Variants in ENTREP2 observed in about 807,000 individuals in gnomAD.
ENTREP2 encodes endosomal transmembrane epsin interactor 2.
the ENTREP2 span, among the ~76,000 whole-genome samples, chr15:29,605,713 T>TA: frequency 6.6e-6 from 1 of 151,832 alleles, no homozygotes; most frequent in Non-Finnish European, 1.5e-5. Flanking sequence ...GGGGGGTGCC[T>TA]ATAATCCCAG....
chr15:29,633,128 G>GT, the ENTREP2 span, among the ~76,000 whole-genome samples: 7 of 152,240 alleles, frequency 4.6e-5, no homozygotes, highest in Non-Finnish European at 1.0e-4. Context: ...TCCCGTGGGA[G>GT]TAAGTTCTTC....
At chr15:29,419,953 G>A in the ENTREP2 span, among the ~76,000 whole-genome samples, 10 of 152,162 alleles carry the variant, frequency 6.6e-5, no homozygotes, top group African/African-American at 2.2e-4. Context: ...AAATAAGGAC[G>A]AAGAAATGAA....
chr15:29,402,318 G>GTGTA, the ENTREP2 span, among the ~76,000 whole-genome samples: 4 of 118,798 alleles, frequency 3.4e-5, no homozygotes, highest in African/African-American at 1.3e-4. Context: ...GTGTGTGTGT[G>GTGTA]TATATATGTA....
At chr15:29,245,557 T>A in the ENTREP2 span, among the ~76,000 whole-genome samples, 2 of 151,572 alleles carry the variant, frequency 1.3e-5, no homozygotes, top group African/African-American at 4.8e-5. Flanking sequence ...TAAAAATATA[T>A]GTTTGCAACC....
At chr15:29,271,315 T>C in the ENTREP2 span, among the ~76,000 whole-genome samples, 1 of 152,244 alleles carries the variant, frequency 6.6e-6, no homozygotes, top group Non-Finnish European at 1.5e-5. Context: ...CTTAGGTTCA[T>C]AGAAGCTTCC....
the ENTREP2 span, among the ~76,000 whole-genome samples, chr15:29,232,087 C>T: frequency 2.0e-5 from 3 of 151,768 alleles, no homozygotes; most frequent in Admixed American, 1.3e-4. Flanking sequence ...GATGGGGTTT[C>T]GCCATGTTGT....
At chr15:29,614,726 T>C in the ENTREP2 span, among the ~76,000 whole-genome samples, 1 of 152,138 alleles carries the variant, frequency 6.6e-6, no homozygotes, top group Non-Finnish European at 1.5e-5. Flanking sequence ...GTCCACGTAG[T>C]AGCCAGCACT....
chr15:29,500,412 A>G, the ENTREP2 span, among the ~76,000 whole-genome samples: 1 of 152,188 alleles, frequency 6.6e-6, no homozygotes, highest in Non-Finnish European at 1.5e-5. Flanking sequence ...TCACAAAAGA[A>G]TAAATTAAGA....
At chr15:29,181,793 C>T in the ENTREP2 span, among the ~76,000 whole-genome samples, 1 of 152,154 alleles carries the variant, frequency 6.6e-6, no homozygotes, top group East Asian at 1.9e-4. Flanking sequence ...TCATGGCAAA[C>T]TCTTAGCAGA....
At chr15:29,380,729 A>G in the ENTREP2 span, among the ~76,000 whole-genome samples, 1 of 152,194 alleles carries the variant, frequency 6.6e-6, no homozygotes, top group Non-Finnish European at 1.5e-5. Context: ...TCCCCCAAAA[A>G]CACAAAAATC....
chr15:29,470,581 C>T, the ENTREP2 span, among the ~76,000 whole-genome samples: 1,180 of 152,310 alleles, frequency 7.7e-3, 16 homozygotes, highest in African/African-American at 0.025. Flanking sequence ...GAAGCCCAGA[C>T]GCACTTCGAA....
At chr15:29,547,879 A>G in the ENTREP2 span, among the ~76,000 whole-genome samples, 1 of 152,218 alleles carries the variant, frequency 6.6e-6, no homozygotes, top group Non-Finnish European at 1.5e-5. Flanking sequence ...TGTGGTATAG[A>G]CATACAATGG....
chr15:29,443,104 G>A, the ENTREP2 span, among the ~76,000 whole-genome samples: 1 of 152,248 alleles, frequency 6.6e-6, no homozygotes, highest in African/African-American at 2.4e-5. Flanking sequence ...GAGGTCCTCA[G>A]GTACCTCTTG....
the ENTREP2 span, among the ~76,000 whole-genome samples, chr15:29,509,684 G>A: frequency 2.0e-5 from 3 of 152,142 alleles, no homozygotes; most frequent in Admixed American, 2.0e-4. Flanking sequence ...ATGGTGTTGG[G>A]AAAACTGGCT....
chr15:29,525,599 T>A, the ENTREP2 span, among the ~76,000 whole-genome samples: 3 of 152,162 alleles, frequency 2.0e-5, no homozygotes, highest in East Asian at 1.9e-4. Flanking sequence ...CATGGATGAA[T>A]CTCAAAGGCT....
chr15:29,260,169 C>T, the ENTREP2 span, among the ~76,000 whole-genome samples: 1 of 152,176 alleles, frequency 6.6e-6, no homozygotes, highest in South Asian at 2.1e-4. Flanking sequence ...GGAATTAACA[C>T]CAGTCTTATG....
At chr15:29,653,436 G>A in the ENTREP2 span, among the ~76,000 whole-genome samples, 1 of 152,134 alleles carries the variant, frequency 6.6e-6, no homozygotes, top group African/African-American at 2.4e-5. Flanking sequence ...ATTTCATTTT[G>A]AGTTGTAATC....
the ENTREP2 span, among the ~76,000 whole-genome samples, chr15:29,553,658 T>C: frequency 6.6e-6 from 1 of 152,108 alleles, no homozygotes; most frequent in African/African-American, 2.4e-5. Flanking sequence ...TTCCACCTAG[T>C]GTTCTTGGGA....
the ENTREP2 span, among the ~76,000 whole-genome samples, chr15:29,519,858 C>A: frequency 2.0e-5 from 3 of 152,210 alleles, no homozygotes; most frequent in Admixed American, 6.5e-5. Flanking sequence ...TAATTGATGA[C>A]ATTCCACCAT....
Sources: gnomAD v4.1 joint callset for allele counts (sites outside exome capture counted in the v4.1 genomes callset) on GRCh38, gnomAD v4.1.1 for gene constraint, MANE v1.5 for transcripts, NCBI Gene and HGNC (gene_info 2026-07-23, HGNC 2026-07-21) for gene names.